Variants in RSRC1 observed in about 807,000 individuals in gnomAD.
RSRC1 encodes the protein arginine and serine rich coiled-coil 1.
In RSRC1, 39 loss-of-function variants were observed where a neutral mutation model predicts 49.1. The observed-to-expected ratio is 0.79, with a 90% CI of 0.61 to 1.04. The LOEUF (loss-of-function observed/expected upper bound fraction) is 1.04. RSRC1 is among the 50% of genes least tolerant of loss of function. The pLI is 0.00. For missense variants in RSRC1, 388 were observed against 402.4 expected, an observed-to-expected ratio of 0.96 and a Z score of 0.31; for synonymous variants, 143 against 130.8, an observed-to-expected ratio of 1.09 and a Z score of -0.63.
chr3:158,497,480 A>G lies in RSRC1; in HGVS notation c.652+36477A>G, dbSNP rs114988369. On this transcript the variant is annotated intron_variant, in intron 7 of 9. Coordinates refer to ENST00000611884, the MANE Select transcript of RSRC1 (RefSeq NM_001271838.2). ...GAGATGGAGTCTCATTCAGCCGCCC[A>G]GGTTGGAGTGCAGTGGCTCAATCTC... 6.1e-3 allele frequency among the ~76,000 whole-genome samples: 839 copies of G among 138,416 alleles called. 5 individuals carry two copies. The highest frequency in any genetic ancestry group is 0.022 in the African/African-American group (788 of 36,240). 90.8% of individuals were successfully genotyped at this position (138,416 alleles called of 152,430 possible).
chr3:158,525,701 A>G (rs1490960377), intron 7 of RSRC1, among the ~76,000 whole-genome samples: 1 of 152,032 alleles, frequency 6.6e-6, no homozygotes, highest in Admixed American at 6.6e-5. Flanking sequence ...GCAGATATTC[A>G]TATAATAGAA....
intron 4 of RSRC1, among the ~76,000 whole-genome samples, chr3:158,234,136 T>C (rs1303535947): frequency 6.6e-6 from 1 of 152,170 alleles, no homozygotes; most frequent in East Asian, 1.9e-4. Flanking sequence ...GGTTGTCATA[T>C]TGATTATTCA....
intron 7 of RSRC1, among the ~76,000 whole-genome samples, chr3:158,513,962 A>G (rs1184155920): frequency 1.3e-5 from 2 of 151,892 alleles, no homozygotes; most frequent in Non-Finnish European, 2.9e-5. Context: ...ATCGGTGGTG[A>G]TATCCCCTTT....
chr3:158,142,562 G>C (rs973322330), intron 3 of RSRC1, among the ~76,000 whole-genome samples: 1 of 152,188 alleles, frequency 6.6e-6, no homozygotes, highest in Non-Finnish European at 1.5e-5. Flanking sequence ...CCTGCTTCTA[G>C]TGAGGGCCTC....
intron 6 of RSRC1, among the ~76,000 whole-genome samples, chr3:158,370,098 T>G (rs1468330786): frequency 6.6e-6 from 1 of 152,038 alleles, no homozygotes; most frequent in Non-Finnish European, 1.5e-5. Context: ...TTACCAAAAG[T>G]TAATATTTAT....
At chr3:158,139,946 A>G (rs1266810828) in intron 3 of RSRC1, among the ~76,000 whole-genome samples, 1 of 152,126 alleles carries the variant, frequency 6.6e-6, no homozygotes, top group African/African-American at 2.4e-5. Context: ...ATATCCAATT[A>G]GTATTTTTTT....
At chr3:158,213,361 A>T (rs1030804257) in intron 4 of RSRC1, among the ~76,000 whole-genome samples, 1 of 151,946 alleles carries the variant, frequency 6.6e-6, no homozygotes, top group Non-Finnish European at 1.5e-5. Flanking sequence ...CAATGAAAGT[A>T]TATAATAAAA....
At chr3:158,221,457 G>C in intron 4 of RSRC1, among the ~76,000 whole-genome samples, 1 of 151,270 alleles carries the variant, frequency 6.6e-6, no homozygotes, top group East Asian at 1.9e-4. Context: ...AATTTCATTA[G>C]CTTTCCATTT....
At chr3:158,478,216 T>C (rs971228312) in intron 7 of RSRC1, among the ~76,000 whole-genome samples, 13 of 151,804 alleles carry the variant, frequency 8.6e-5, no homozygotes, top group Non-Finnish European at 1.8e-4. Context: ...TTTTACACTG[T>C]TAGACCTAGG....
intron 7 of RSRC1, among the ~76,000 whole-genome samples, chr3:158,480,948 A>G (rs1047349595): frequency 6.6e-6 from 1 of 152,042 alleles, no homozygotes. Flanking sequence ...GACTCTTGAT[A>G]CTGCTCATCT....
chr3:158,173,234 C>T (rs952648336), intron 3 of RSRC1, among the ~76,000 whole-genome samples: 5 of 151,716 alleles, frequency 3.3e-5, no homozygotes, highest in African/African-American at 1.2e-4. Context: ...ATTTATAAAA[C>T]AATCATCTAT....
chr3:158,188,250 G>A (rs1169105639), intron 3 of RSRC1, among the ~76,000 whole-genome samples: 2 of 151,848 alleles, frequency 1.3e-5, no homozygotes, highest in African/African-American at 4.8e-5. Flanking sequence ...TGGTTCCATG[G>A]AATTTCACCT....
At chr3:158,461,118 A>G in intron 7 of RSRC1, 115 bp downstream of exon 7, 3 of 604,876 alleles carry the variant, frequency 5.0e-6, no homozygotes. Context: ...TTCATGAACC[A>G]AAACTATGAC....
intron 7 of RSRC1, among the ~76,000 whole-genome samples, chr3:158,521,349 C>T (rs572958321): frequency 2.0e-4 from 30 of 152,190 alleles, no homozygotes; most frequent in African/African-American, 6.7e-4. Flanking sequence ...CTGCCCACAT[C>T]TTCGGAACCC....
intron 6 of RSRC1, among the ~76,000 whole-genome samples, chr3:158,460,227 G>A (rs570387601): frequency 6.6e-6 from 1 of 151,720 alleles, no homozygotes; most frequent in South Asian, 2.1e-4. Flanking sequence ...AAGGAGAATC[G>A]CTCCTTTGAG....
At chr3:158,290,413 C>T (rs1340766007) in intron 4 of RSRC1, among the ~76,000 whole-genome samples, 1 of 152,008 alleles carries the variant, frequency 6.6e-6, no homozygotes, top group African/African-American at 2.4e-5. Flanking sequence ...GCTGGGACTA[C>T]AGGCGCCCGC....
At position 158,487,567 on chromosome 3, in the gene RSRC1, AT is replaced by A. The variant is rs1343430900; in HGVS notation, c.652+26567del. Among the ~76,000 whole-genome samples, 5 of 152,290 alleles carry A rather than the reference AT, an allele frequency of 3.3e-5. No individual in the cohort carries two copies. In the South Asian group the frequency reaches 6.2e-4, roughly 19 times the overall value. The stretch of plus-strand genomic sequence containing the variant: ...GTCCTCAACTGGCTATCAGGAAAAC[AT>A]TTAAAGATCACTTGAGGAAGGAATA... On this transcript the variant is annotated intron_variant, in intron 7 of 9. Coordinates refer to ENST00000611884, the MANE Select transcript of RSRC1 (RefSeq NM_001271838.2).
chr3:158,512,095 T>C lies in RSRC1; in HGVS notation c.653-24997T>C, dbSNP rs1304297558. Among the ~76,000 whole-genome samples, 5 of 148,604 alleles carry C rather than the reference T, an allele frequency of 3.4e-5. No individual in the cohort carries two copies. The South Asian group carries it at 6.6e-4, about 19-fold the overall frequency. On this transcript the variant is annotated intron_variant, in intron 7 of 9. Coordinates refer to ENST00000611884, the MANE Select transcript of RSRC1 (RefSeq NM_001271838.2). ...GCCTGTTCACTCTGATGGTAGTTTC[T>C]TTTGCTGTGCAGAAGCTCTTTAATT...
At chr3:158,197,621 G>A (rs1720718412) in intron 3 of RSRC1, among the ~76,000 whole-genome samples, 2 of 151,818 alleles carry the variant, frequency 1.3e-5, no homozygotes, top group South Asian at 4.2e-4. Flanking sequence ...TTTCTCTTGT[G>A]GGCATTTAGT....
Sources: allele counts gnomAD v4.1 joint callset (sites outside exome capture counted in the v4.1 genomes callset), GRCh38; gene constraint gnomAD v4.1.1; transcripts MANE v1.5; gene names NCBI Gene and HGNC (gene_info 2026-07-23, HGNC 2026-07-21).